The following CPAMD8 variants were observed in gnomAD, a reference collection of about 807,000 sequenced individuals.
CPAMD8 encodes C3 and PZP-like alpha-2-macroglobulin domain-containing protein 8.
CPAMD8 carries 146 observed loss-of-function variants against 224.7 expected under a neutral mutation model. The ratio of observed to expected loss-of-function variants is 0.65; its 90% CI spans 0.57 to 0.75. The LOEUF is 0.75. CPAMD8 is among the 30% of genes least tolerant of loss of function. The pLI is 0.00. For synonymous variants in CPAMD8, 966 were observed against 1,044.6 expected (o/e 0.92, Z 1.45); for missense variants, 2,301 against 2,537.5 (o/e 0.91, Z 2.00).
chr19:16,938,357 G>T (rs1414831493), intron 23 of CPAMD8, 38 bp downstream of exon 23: 3 of 1,296,082 alleles, frequency 2.3e-6, no homozygotes, highest in Middle Eastern at 1.9e-4. Flanking sequence ...ACCCAGCCAG[G>T]TGGCCACACC....
At chr19:17,013,492 C>T (rs2056720216) in intron 3 of CPAMD8, 1 of 76,736 alleles carries the variant, frequency 1.3e-5, no homozygotes, top group Non-Finnish European at 2.4e-5. Flanking sequence ...GCCTGGATGA[C>T]AGAGCGAGAC....
chr19:16,896,068 G>C, intron 41 of CPAMD8, 108 bp downstream of exon 41: 1 of 1,268,638 alleles, frequency 7.9e-7, no homozygotes, highest in Non-Finnish European at 1.1e-6. Context: ...GGGGGGTCGG[G>C]GCGGGGCGGA....
At chr19:16,936,562 C>G (rs903893105) in intron 23 of CPAMD8, among the ~76,000 whole-genome samples, 2 of 152,032 alleles carry the variant, frequency 1.3e-5, no homozygotes, top group African/African-American at 4.8e-5. Flanking sequence ...GCCACCATGC[C>G]TGGCTAATTT....
intron 36 of CPAMD8, among the ~76,000 whole-genome samples, 186 bp downstream of exon 36, chr19:16,901,024 A>T (rs2052231421): frequency 1.3e-5 from 2 of 150,944 alleles, no homozygotes; most frequent in Admixed American, 1.3e-4. Context: ...TGTCAAAAAA[A>T]AGAAAGAGAA....
intron 23 of CPAMD8, among the ~76,000 whole-genome samples, chr19:16,930,669 C>T (rs1340113313): frequency 6.6e-6 from 1 of 152,102 alleles, no homozygotes; most frequent in Admixed American, 6.5e-5. Flanking sequence ...CATGGGAGAG[C>T]CCCTAGATCC....
At chr19:16,894,402 C>CA (rs1205058874) in intron 41 of CPAMD8, 1 of 456,562 alleles carries the variant, frequency 2.2e-6, no homozygotes, top group African/African-American at 2.0e-5. Context: ...GTCCTGCTCT[C>CA]AGCAGGGCAG....
At chr19:16,925,623 C>CT (rs1259212315) in intron 25 of CPAMD8, among the ~76,000 whole-genome samples, 1 of 152,186 alleles carries the variant, frequency 6.6e-6, no homozygotes, top group Non-Finnish European at 1.5e-5. Flanking sequence ...CTGTTCAATG[C>CT]TTTTTCCCTC....
At chr19:17,002,657 T>C (rs11671770) in intron 8 of CPAMD8, 53,834 of 242,742 alleles carry the variant, frequency 0.22, 6,938 homozygotes, top group African/African-American at 0.39. Context: ...AGGCTCCTCC[T>C]AGCCCCTGTG....
intron 28 of CPAMD8, 64 bp downstream of exon 28, chr19:16,914,593 G>A (rs978390830): frequency 1.9e-5 from 31 of 1,612,224 alleles, no homozygotes; most frequent in Non-Finnish European, 2.5e-5. Flanking sequence ...GGAACAGGCA[G>A]GTCAGGGCTG....
At position 16,907,047 on chromosome 19, in the gene CPAMD8, T is replaced by C; in HGVS notation, c.3932A>G (p.Tyr1311Cys). The change falls in exon 30 of 42, where the codon TAT becomes TGT. Residue 1311 changes from tyrosine to cysteine, a missense_variant. Around this residue, in one of 4 missense-constraint regions of CPAMD8, gnomAD observed 1,709 missense variants for 1,753.2 expected, o/e 0.97. Transcript: ENST00000443236. Reference protein sequence around the residue: ...ESAAPLAMDPYSCALTTYALT... With the variant: ...ESAAPLAMDPCSCALTTYALT... ...CGCGTAGGTAGTCAGGGCACAGCTA[T>C]AAGGGTCCATGGCCAGGGGCGCAGC... The C allele has an allele frequency of 6.2e-7, 1 of 1,608,258 alleles. No homozygotes were observed. Among genetic ancestry groups the C allele is most frequent in the South Asian group, 1.1e-5 (1 of 89,516 alleles).
rs545301260 is a variant in CPAMD8 at position 16,916,220 on chromosome 19, C to T, written c.3630-1407G>A. Among the ~76,000 whole-genome samples the T allele has an allele frequency of 2.0e-5, 3 of 152,114 alleles. No individual in the cohort carries two copies. The East Asian group carries it at 5.8e-4, about 30-fold the overall frequency. On this transcript the variant is annotated intron_variant, in intron 27 of 41. Coordinates refer to ENST00000443236, the MANE Select transcript of CPAMD8 (RefSeq NM_015692.5). ...ATAGAGATGAGGTCTTACTATGTTG[C>T]CCAGGCAGGTCTCGAACTCCTGGGC...
chr19:16,956,082 A>G (rs1307691400), intron 19 of CPAMD8, among the ~76,000 whole-genome samples: 1 of 152,086 alleles, frequency 6.6e-6, no homozygotes, highest in African/African-American at 2.4e-5. Flanking sequence ...TCCTTGCTCC[A>G]GCCAACAAGA....
chr19:17,021,541 A>C (rs974379414), intron 2 of CPAMD8, among the ~76,000 whole-genome samples: 1 of 152,138 alleles, frequency 6.6e-6, no homozygotes, highest in Non-Finnish European at 1.5e-5. Context: ...TGCATTCACT[A>C]TCTTGACCAG....
chr19:16,916,117 G>A lies in CPAMD8; in HGVS notation c.3630-1304C>T, dbSNP rs956695812. ...GTAGCCTACAACTCCCAGCTCAAGC[G>A]ATTCTCCCACTTCAGCCTCCCAAGT... is the stretch of plus-strand genomic sequence containing the variant. On this transcript the variant is annotated intron_variant, in intron 27 of 41. Coordinates refer to ENST00000443236, the MANE Select transcript of CPAMD8 (RefSeq NM_015692.5). 7.2e-5 allele frequency among the ~76,000 whole-genome samples: 11 copies of A among 151,878 alleles called. No homozygotes were observed. The East Asian group carries it at 1.4e-3, about 19-fold the overall frequency.
intron 18 of CPAMD8, among the ~76,000 whole-genome samples, chr19:16,967,932 T>TATATATGTGC (rs2054914248): frequency 3.3e-5 from 5 of 151,470 alleles, no homozygotes; most frequent in African/African-American, 1.2e-4. Flanking sequence ...CACATGTGTG[T>TATATATGTGC]ATATATATAC....
chr19:16,914,853 G>A (rs371111547), intron 27 of CPAMD8, 40 bp from the exon 28 acceptor site: 18 of 1,481,792 alleles, frequency 1.2e-5, no homozygotes, highest in Non-Finnish European at 1.7e-5. Flanking sequence ...GTTGCAGAAT[G>A]GTCAGCCCCC....
chr19:16,948,695 C>T (rs1453058738), intron 20 of CPAMD8, among the ~76,000 whole-genome samples: 1 of 150,660 alleles, frequency 6.6e-6, no homozygotes, highest in Non-Finnish European at 1.5e-5. Flanking sequence ...GATCACACCA[C>T]TGCACTCCAG....
intron 14 of CPAMD8, among the ~76,000 whole-genome samples, chr19:16,978,627 GA>G (rs766464567): frequency 3.9e-5 from 6 of 152,158 alleles, no homozygotes; most frequent in Non-Finnish European, 7.4e-5. Context: ...GGCTTCCGGT[GA>G]ATAGAAGCCA....
intron 14 of CPAMD8, among the ~76,000 whole-genome samples, chr19:16,979,447 A>AACCCACCCATTTATCTATC (rs2055421105): frequency 7.5e-6 from 1 of 132,890 alleles, no homozygotes; most frequent in Admixed American, 7.5e-5. Flanking sequence ...TCCATCTATC[A>AACCCACCCATTTATCTATC]ATCCACCCAT....
Sources: allele counts gnomAD v4.1 joint callset (sites outside exome capture counted in the v4.1 genomes callset), GRCh38; gene constraint gnomAD v4.1.1; regional missense constraint gnomAD v4.1.1; transcripts MANE v1.5; gene names NCBI Gene and HGNC (gene_info 2026-07-23, HGNC 2026-07-21).